The following AFF3 variants were observed in gnomAD, a reference collection of about 807,000 sequenced individuals.
The protein encoded by AFF3 is ALF transcription elongation factor 3, also known as AF4/FMR2 family member 3.
Under a neutral mutation model 129.7 loss-of-function variants are expected in AFF3, and 32 were observed. The ratio of observed to expected loss-of-function variants is 0.25; its 90% CI spans 0.19 to 0.33. The LOEUF (loss-of-function observed/expected upper bound fraction) is 0.33, where lower values mean the gene tolerates loss of function less well. Ranked by LOEUF, AFF3 falls within the 10% of genes least tolerant of loss-of-function variation. AFF3 has a pLI of 1.00. For missense variants in AFF3, 1,373 were observed against 1,592.0 expected, an observed-to-expected ratio of 0.86 and a Z score of 2.34; for synonymous variants, 644 against 635.4, an observed-to-expected ratio of 1.01 and a Z score of -0.20.
In AFF3 at chr2:99,587,116, T is replaced by G. The variant is rs776240475; in HGVS notation, c.2591+38A>C. 4.7e-5 allele frequency: 76 copies of G among 1,611,198 alleles called. No homozygotes were observed. In the Admixed American group the frequency reaches 1.3e-3, roughly 27 times the overall value. On this transcript the variant is annotated intron_variant, in intron 16 of 24. Coordinates refer to ENST00000672756, the MANE Select transcript of AFF3 (RefSeq NM_001386135.1). ...CAGGTGACTTTCAGACCCAGAGATC[T>G]CTCCAGCTCACTTCCACTTTGGAGG...
chr2:100,073,986 T>C (rs1018488883), intron 4 of AFF3, among the ~76,000 whole-genome samples: 3 of 152,218 alleles, frequency 2.0e-5, no homozygotes, highest in Admixed American at 6.5e-5. Context: ...AACACAGTCA[T>C]ATCAGAGGAA....
chr2:99,552,995 C>T (rs752112640), intron 24 of AFF3, among the ~76,000 whole-genome samples: 4 of 152,106 alleles, frequency 2.6e-5, no homozygotes, highest in Admixed American at 6.5e-5. Flanking sequence ...TGCAATGGTG[C>T]GATCTTGGCT....
At chr2:99,899,394 G>C (rs1410842909) in intron 7 of AFF3, among the ~76,000 whole-genome samples, 2 of 152,148 alleles carry the variant, frequency 1.3e-5, no homozygotes, top group African/African-American at 4.8e-5. Context: ...CATAGCTCAG[G>C]AATGTCACTA....
chr2:100,094,547 G>A (rs1352299903), intron 4 of AFF3, among the ~76,000 whole-genome samples: 2 of 151,942 alleles, frequency 1.3e-5, no homozygotes, highest in Admixed American at 6.6e-5. Context: ...TCTCTTGCTC[G>A]CCATCCACTC....
chr2:99,960,160 T>C (rs1677081209), intron 7 of AFF3, among the ~76,000 whole-genome samples: 1 of 152,162 alleles, frequency 6.6e-6, no homozygotes, highest in Admixed American at 6.5e-5. Flanking sequence ...ATGGTATTAA[T>C]AGAGTAGCAC....
intron 1 of AFF3, among the ~76,000 whole-genome samples, chr2:100,135,874 C>G (rs1692620455): frequency 6.6e-6 from 1 of 152,098 alleles, no homozygotes; most frequent in South Asian, 2.1e-4. Flanking sequence ...GATCTAGGAC[C>G]AGGGAGGCAG....
chr2:99,986,242 A>ATAATAG, intron 7 of AFF3, among the ~76,000 whole-genome samples: 1 of 144,588 alleles, frequency 6.9e-6, no homozygotes, highest in Non-Finnish European at 1.5e-5. Context: ...AATAATAATA[A>ATAATAG]TAATAATAAT....
intron 2 of AFF3, among the ~76,000 whole-genome samples, chr2:100,127,581 C>T (rs141189203): frequency 2.0e-5 from 3 of 152,264 alleles, no homozygotes; most frequent in Admixed American, 6.5e-5. Context: ...GCCACTGCTG[C>T]ACAAATGCTC....
At chr2:99,761,503 C>T (rs114765546) in intron 8 of AFF3, among the ~76,000 whole-genome samples, 1 of 152,190 alleles carries the variant, frequency 6.6e-6, no homozygotes, top group Non-Finnish European at 1.5e-5. Context: ...TCTTCTGATG[C>T]CAGCTGCCTC....
chr2:99,700,927 C>T (rs964628103), intron 11 of AFF3, among the ~76,000 whole-genome samples: 16 of 152,176 alleles, frequency 1.1e-4, no homozygotes, highest in African/African-American at 2.9e-4. Flanking sequence ...GAGCGTGAGA[C>T]GGTCACGTGT....
intron 7 of AFF3, among the ~76,000 whole-genome samples, chr2:99,871,284 G>A (rs1031840168): frequency 1.3e-5 from 2 of 152,110 alleles, no homozygotes; most frequent in South Asian, 2.1e-4. Flanking sequence ...CAAGCATTTC[G>A]GGTAAGGGAT....
chr2:99,693,858 TAAGTTATCCC>T (rs773263918), intron 11 of AFF3, among the ~76,000 whole-genome samples: 2 of 152,188 alleles, frequency 1.3e-5, no homozygotes, highest in Non-Finnish European at 2.9e-5. Context: ...TTTCCAATGT[TAAGTTATCCC>T]ATCTAAAATC....
chr2:99,878,234 G>A (rs1576256749), intron 7 of AFF3, among the ~76,000 whole-genome samples: 1 of 152,294 alleles, frequency 6.6e-6, no homozygotes, highest in Admixed American at 6.5e-5. Flanking sequence ...AAAAATCCAG[G>A]CAGGTCAATT....
rs377503857 is a variant in AFF3 at position 99,647,583 on chromosome 2, A to T, written c.1184+2043T>A. Among the ~76,000 whole-genome samples, 21 of 152,338 alleles carry T rather than the reference A, an allele frequency of 1.4e-4. 1 individual carries two copies. The South Asian group carries it at 1.7e-3, about 12-fold the overall frequency. On this transcript the variant is annotated intron_variant, in intron 13 of 24. Coordinates refer to ENST00000672756, the MANE Select transcript of AFF3 (RefSeq NM_001386135.1). ...GATGGGTGCAGCAAATCACCATTGCACATGTTTACCCATGTAACAAACCTG... is the reference window on the plus strand; with the variant it reads ...GATGGGTGCAGCAAATCACCATTGCTCATGTTTACCCATGTAACAAACCTG...
intron 19 of AFF3, among the ~76,000 whole-genome samples, chr2:99,566,387 T>C (rs1189321261): frequency 2.6e-5 from 4 of 152,132 alleles, no homozygotes; most frequent in Admixed American, 2.0e-4. Context: ...AAATTATTAA[T>C]AAAAATGATT....
intron 7 of AFF3, among the ~76,000 whole-genome samples, chr2:99,998,802 G>A (rs931212701): frequency 6.6e-6 from 1 of 152,174 alleles, no homozygotes; most frequent in Admixed American, 6.5e-5. Flanking sequence ...GATTGGTAAA[G>A]TACTAAATGG....
intron 7 of AFF3, among the ~76,000 whole-genome samples, chr2:99,962,438 G>A (rs1677317710): frequency 6.6e-6 from 1 of 152,178 alleles, no homozygotes; most frequent in African/African-American, 2.4e-5. Context: ...TGATGCCAAT[G>A]CTGAGATGAT....
At chr2:99,798,767 G>T (rs1229384583) in intron 8 of AFF3, among the ~76,000 whole-genome samples, 5 of 151,918 alleles carry the variant, frequency 3.3e-5, no homozygotes, top group African/African-American at 1.2e-4. Context: ...ATGCTTATGT[G>T]CCTAACAGCA....
chr2:99,961,292 T>C (rs1274978212), intron 7 of AFF3, among the ~76,000 whole-genome samples: 1 of 152,212 alleles, frequency 6.6e-6, no homozygotes, highest in African/African-American at 2.4e-5. Flanking sequence ...GCCTCTTTCA[T>C]GTGAAGATCA....
Sources: gnomAD v4.1 joint callset for allele counts (sites outside exome capture counted in the v4.1 genomes callset) on GRCh38, gnomAD v4.1.1 for gene constraint, MANE v1.5 for transcripts, NCBI Gene and HGNC (gene_info 2026-07-23, HGNC 2026-07-21) for gene names.